The following CERS6 variants were observed in gnomAD, a reference collection of about 807,000 sequenced individuals.
CERS6 encodes the protein LAG1 homolog, ceramide synthase 6.
Under a neutral mutation model 56.8 loss-of-function variants are expected in CERS6, and 26 were observed. The observed-to-expected ratio is 0.46, with a 90% confidence interval of 0.34 to 0.63. The LOEUF (loss-of-function observed/expected upper bound fraction) is 0.63, where lower values mean the gene tolerates loss of function less well. Among genes scored for constraint, CERS6 ranks in the 30% least tolerant of loss-of-function variants. The pLI is 0.01. For synonymous variants in CERS6, 164 were observed against 173.3 expected (o/e 0.95, Z 0.42); for missense variants, 415 against 467.5 (o/e 0.89, Z 1.04).
chr2:168,562,382 A>C (rs1043711544), intron 3 of CERS6, among the ~76,000 whole-genome samples: 1 of 152,224 alleles, frequency 6.6e-6, no homozygotes, highest in Non-Finnish European at 1.5e-5. Flanking sequence ...CAGCACACCA[A>C]GGACCTGCAC....
At chr2:168,561,954 C>T (rs1276156560) in intron 3 of CERS6, among the ~76,000 whole-genome samples, 1 of 152,052 alleles carries the variant, frequency 6.6e-6, no homozygotes, top group Non-Finnish European at 1.5e-5. Flanking sequence ...ATACTTCATG[C>T]ACTTACCTAT....
intron 8 of CERS6, among the ~76,000 whole-genome samples, chr2:168,758,586 C>A (rs966091466): frequency 6.6e-6 from 1 of 152,178 alleles, no homozygotes; most frequent in Non-Finnish European, 1.5e-5. Context: ...CCCATTCATA[C>A]GGTAAGATCA....
intron 5 of CERS6, among the ~76,000 whole-genome samples, chr2:168,692,238 T>A (rs1686524050): frequency 6.6e-6 from 1 of 152,182 alleles, no homozygotes; most frequent in Admixed American, 6.5e-5. Flanking sequence ...CAATTGTAAT[T>A]CTCAGGCCCA....
intron 8 of CERS6, among the ~76,000 whole-genome samples, chr2:168,762,492 A>C (rs1684611908): frequency 6.6e-6 from 1 of 152,206 alleles, no homozygotes; most frequent in African/African-American, 2.4e-5. Flanking sequence ...AGTCCTTTGT[A>C]TTCTAATTGT....
At chr2:168,764,046 A>G (rs1684657625) in intron 8 of CERS6, among the ~76,000 whole-genome samples, 1 of 152,262 alleles carries the variant, frequency 6.6e-6, no homozygotes, top group Admixed American at 6.5e-5. Context: ...CTGATGGTAG[A>G]TTACAGAGAG....
intron 3 of CERS6, among the ~76,000 whole-genome samples, chr2:168,566,269 T>C (rs1031485365): frequency 5.3e-5 from 8 of 152,202 alleles, no homozygotes; most frequent in Admixed American, 4.6e-4. Context: ...TGGAGCTTAC[T>C]CCCTATGCTG....
intron 3 of CERS6, among the ~76,000 whole-genome samples, chr2:168,581,255 G>C (rs1319753397): frequency 6.6e-6 from 1 of 152,198 alleles, no homozygotes; most frequent in Non-Finnish European, 1.5e-5. Flanking sequence ...CTGACCTGTA[G>C]TGATCCACCT....
At position 168,683,785 on chromosome 2, in the gene CERS6, C is replaced by T. The variant is rs549554811; in HGVS notation, c.466-7249C>T. On this transcript the variant is annotated intron_variant, in intron 4 of 9. Coordinates refer to ENST00000305747, the MANE Select transcript of CERS6 (RefSeq NM_203463.3). ...CACATCAGAGAGGTGGTCTTTCAAG[C>T]GCCATATCCCCAGACTCTTGAGAAT... is the stretch of plus-strand genomic sequence containing the variant. Among the ~76,000 whole-genome samples, 18 of 152,236 alleles carry T rather than the reference C, an allele frequency of 1.2e-4. No individual in the cohort carries two copies. In the South Asian group the frequency reaches 2.1e-3, roughly 18 times the overall value.
At chr2:168,473,974 T>C (rs1694023429) in intron 1 of CERS6, among the ~76,000 whole-genome samples, 1 of 152,126 alleles carries the variant, frequency 6.6e-6, no homozygotes, top group Non-Finnish European at 1.5e-5. Flanking sequence ...AGGAGGACTG[T>C]TTGAGGCTAG....
intron 3 of CERS6, among the ~76,000 whole-genome samples, chr2:168,569,593 C>T (rs1695945119): frequency 6.6e-6 from 1 of 152,244 alleles, no homozygotes; most frequent in Non-Finnish European, 1.5e-5. Flanking sequence ...GTTCAGTTCT[C>T]TGTGTTCACC....
chr2:168,719,390 G>T (rs1355099916), intron 8 of CERS6, among the ~76,000 whole-genome samples: 1 of 152,204 alleles, frequency 6.6e-6, no homozygotes, highest in Non-Finnish European at 1.5e-5. Context: ...CATTATAGCA[G>T]ATATATTTGT....
intron 3 of CERS6, among the ~76,000 whole-genome samples, chr2:168,569,059 C>T (rs1025243889): frequency 3.3e-5 from 5 of 152,180 alleles, no homozygotes; most frequent in African/African-American, 1.2e-4. Flanking sequence ...TTAGCTCAGA[C>T]TGTCATAACA....
At chr2:168,706,935 A>G (rs1230916502) in intron 6 of CERS6, among the ~76,000 whole-genome samples, 1 of 152,166 alleles carries the variant, frequency 6.6e-6, no homozygotes, top group Non-Finnish European at 1.5e-5. Context: ...TAGCAAGAAA[A>G]CTGCCATAGA....
intron 3 of CERS6, among the ~76,000 whole-genome samples, chr2:168,585,342 G>A (rs1226788803): frequency 6.6e-6 from 1 of 152,254 alleles, no homozygotes; most frequent in Non-Finnish European, 1.5e-5. Flanking sequence ...AGGAGACAGT[G>A]ATGGACAAGG....
chr2:168,692,677 C>A (rs991717319), intron 5 of CERS6, among the ~76,000 whole-genome samples: 1 of 152,038 alleles, frequency 6.6e-6, no homozygotes, highest in African/African-American at 2.4e-5. Context: ...AAATGTAGGA[C>A]AAATTGATGG....
chr2:168,626,938 C>T (rs1684604336), intron 3 of CERS6, among the ~76,000 whole-genome samples: 1 of 152,166 alleles, frequency 6.6e-6, no homozygotes. Context: ...GTTGTCTTCA[C>T]TCCAGTTTTG....
At chr2:168,602,881 A>G (rs1334187727) in intron 3 of CERS6, among the ~76,000 whole-genome samples, 4 of 152,216 alleles carry the variant, frequency 2.6e-5, no homozygotes, top group African/African-American at 9.6e-5. Context: ...TAGTGCCATC[A>G]TTTCAGGGAA....
At chr2:168,667,773 A>G (rs60623595) in intron 4 of CERS6, among the ~76,000 whole-genome samples, 2,914 of 152,314 alleles carry the variant, frequency 0.019, 96 homozygotes, top group African/African-American at 0.067. Flanking sequence ...TTAATTTACT[A>G]CATCCAAGAT....
chr2:168,757,751 T>A (rs1684457766), intron 8 of CERS6, among the ~76,000 whole-genome samples: 1 of 152,152 alleles, frequency 6.6e-6, no homozygotes, highest in African/African-American at 2.4e-5. Flanking sequence ...CTTCCATGTT[T>A]GCTACAGATT....
Sources: gnomAD v4.1 joint callset for allele counts (sites outside exome capture counted in the v4.1 genomes callset) on GRCh38, gnomAD v4.1.1 for gene constraint, MANE v1.5 for transcripts, NCBI Gene and HGNC (gene_info 2026-07-23, HGNC 2026-07-21) for gene names.